The following SLC30A7 variants were observed in gnomAD, a reference collection of about 807,000 sequenced individuals.
SLC30A7 encodes the protein solute carrier family 30 member 7.
In SLC30A7, 35 loss-of-function variants were observed where a neutral mutation model predicts 46.0. That is an observed-to-expected ratio of 0.76 (90% CI 0.58 to 1.01). The LOEUF (loss-of-function observed/expected upper bound fraction) is 1.01. SLC30A7 is among the 50% of genes least tolerant of loss of function. The probability of loss-of-function intolerance (pLI) is 0.00; values close to 1 mark genes in which losing one functional copy is unlikely to be tolerated. For missense variants in SLC30A7, 464 were observed against 451.1 expected (o/e 1.03, Z -0.26); for synonymous variants, 147 against 157.8 (o/e 0.93, Z 0.51).
intron 3 of SLC30A7, among the ~76,000 whole-genome samples, chr1:100,908,010 C>A (rs1651791596): frequency 6.6e-6 from 1 of 151,736 alleles, no homozygotes; most frequent in Non-Finnish European, 1.5e-5. Context: ...AATCTCTCCT[C>A]CTCCTCTTCT....
the SLC30A7 span, chr1:100,995,419 A>G: frequency 2.9e-6 from 1 of 349,292 alleles, no homozygotes; most frequent in African/African-American, 2.1e-5. Flanking sequence ...TTAGATAAAC[A>G]TTGGCATATA....
chr1:100,917,953 T>G, intron 6 of SLC30A7, 124 bp from the exon 7 acceptor site: 1 of 553,192 alleles, frequency 1.8e-6, no homozygotes, highest in Non-Finnish European at 3.1e-6. Context: ...AATAAATTTG[T>G]AAGTTTGATA....
rs879791411 is a variant in SLC30A7, at chr1:100,978,752, T to C, written c.*3895T>C. 1.3e-5 allele frequency: 2 copies of C among 152,234 alleles called. No homozygotes were observed. The highest frequency in any genetic ancestry group is 6.5e-5 in the Admixed American group (1 of 15,292). 9.4% of individuals were successfully genotyped at this position (152,234 alleles called of 1,614,324 possible). On this transcript the variant is annotated 3_prime_UTR_variant, in exon 11 of 11. Transcript: ENST00000357650. ...TTAAGGCACTTTATAAATGGACTTTTATTGTCTCATTTTTCGTATATAATT... is the reference window on the plus strand; with the variant it reads ...TTAAGGCACTTTATAAATGGACTTTCATTGTCTCATTTTTCGTATATAATT...
At chr1:100,928,707 T>G (rs768600655) in intron 8 of SLC30A7, among the ~76,000 whole-genome samples, 50 of 152,188 alleles carry the variant, frequency 3.3e-4, no homozygotes, top group Non-Finnish European at 5.6e-4. Flanking sequence ...TGGTAGAAAA[T>G]TTTGAAAATA....
At chr1:100,907,040 T>A in intron 3 of SLC30A7, 75 bp downstream of exon 3, 4 of 1,015,116 alleles carry the variant, frequency 3.9e-6, no homozygotes, top group Non-Finnish European at 5.9e-6. Context: ...TTAAGCTCAG[T>A]GACTTGTTAC....
chr1:100,966,034 C>A, intron 10 of SLC30A7, 116 bp downstream of exon 10: 2 of 881,014 alleles, frequency 2.3e-6, no homozygotes, highest in Non-Finnish European at 3.4e-6. Flanking sequence ...ATTTCTAGAT[C>A]AGTGTGGGCA....
the SLC30A7 span, chr1:100,990,664 C>A: frequency 1.3e-6 from 2 of 1,590,402 alleles, no homozygotes; most frequent in African/African-American, 1.3e-5. Flanking sequence ...CTATTCAATT[C>A]AGCAAATGCA....
chr1:100,984,503 A>G (rs766306164), downstream of SLC30A7, among the ~76,000 whole-genome samples: 7 of 152,204 alleles, frequency 4.6e-5, no homozygotes, highest in Non-Finnish European at 1.0e-4. Context: ...TTGAGAACTA[A>G]ACTATCCAAC....
intron 8 of SLC30A7, among the ~76,000 whole-genome samples, chr1:100,956,086 G>C (rs1306853135): frequency 2.0e-5 from 3 of 151,786 alleles, no homozygotes; most frequent in African/African-American, 7.2e-5. Context: ...AACCACAATT[G>C]ATCCTAATGA....
At chr1:100,909,881 T>C (rs952432327) in intron 3 of SLC30A7, among the ~76,000 whole-genome samples, 6 of 152,120 alleles carry the variant, frequency 3.9e-5, no homozygotes, top group Non-Finnish European at 5.9e-5. Flanking sequence ...TTTTGGATAG[T>C]AACCCTGCTG....
At chr1:100,966,887 C>G (rs935493474) in intron 10 of SLC30A7, among the ~76,000 whole-genome samples, 1 of 152,172 alleles carries the variant, frequency 6.6e-6, no homozygotes, top group Non-Finnish European at 1.5e-5. Context: ...TGGTCACCTA[C>G]TGAGTGATTT....
chr1:100,966,486 G>A (rs1655883555), intron 10 of SLC30A7, among the ~76,000 whole-genome samples: 1 of 151,874 alleles, frequency 6.6e-6, no homozygotes, highest in Non-Finnish European at 1.5e-5. Flanking sequence ...TTGGGAGGCT[G>A]AGGCAGGAGA....
At chr1:100,963,122 G>A (rs1181841866) in intron 9 of SLC30A7, among the ~76,000 whole-genome samples, 1 of 152,084 alleles carries the variant, frequency 6.6e-6, no homozygotes, top group Non-Finnish European at 1.5e-5. Context: ...CTTGAGTTTT[G>A]GGTACAGATT....
intron 8 of SLC30A7, among the ~76,000 whole-genome samples, chr1:100,933,046 G>A (rs1415238244): frequency 6.6e-6 from 1 of 151,192 alleles, no homozygotes; most frequent in African/African-American, 2.4e-5. Context: ...CGCAATCTCG[G>A]CTCACTGCAA....
chr1:100,938,122 T>G (rs1450650774), intron 8 of SLC30A7, among the ~76,000 whole-genome samples: 1 of 152,228 alleles, frequency 6.6e-6, no homozygotes, highest in Non-Finnish European at 1.5e-5. Flanking sequence ...AGTGCCACAC[T>G]GTTTTTATTG....
chr1:100,966,312 G>A (rs1354898525), intron 10 of SLC30A7, among the ~76,000 whole-genome samples: 2 of 151,750 alleles, frequency 1.3e-5, no homozygotes, highest in East Asian at 1.9e-4. Flanking sequence ...GGCTGGGTGC[G>A]GTGGCTCACA....
At chr1:100,928,235 G>A (rs1007242978) in intron 8 of SLC30A7, among the ~76,000 whole-genome samples, 1 of 152,126 alleles carries the variant, frequency 6.6e-6, no homozygotes, top group Non-Finnish European at 1.5e-5. Context: ...GGAAGAAGTA[G>A]TAGGAACTGT....
Position 100,978,904 on chromosome 1 carries a change from T to C in SLC30A7, c.*4047T>C, listed in dbSNP as rs1656731625. 1 of 152,216 alleles carries C rather than the reference T, an allele frequency of 6.6e-6. No individual in the cohort carries two copies. The highest frequency in any genetic ancestry group is 2.1e-4 in the South Asian group (1 of 4,832). 9.4% of individuals were successfully genotyped at this position (152,216 alleles called of 1,614,324 possible). A position where few individuals can be genotyped will look rare whatever the true frequency, so the allele number is the denominator to read the frequency against. ...TCCTTTTATGAGTGAATTTTTCTGC[T>C]AATTGCCCAAGGCTAAATCCAATTT... On this transcript the variant is annotated 3_prime_UTR_variant, in exon 11 of 11. Transcript: ENST00000357650.
chr1:100,974,741 C>G, intron 10 of SLC30A7, 69 bp from the exon 11 acceptor site: 1 of 1,133,536 alleles, frequency 8.8e-7, no homozygotes. Context: ...AAAAAAAATA[C>G]TTTCCTGAAA....
Sources: allele counts gnomAD v4.1 joint callset (sites outside exome capture counted in the v4.1 genomes callset), GRCh38; gene constraint gnomAD v4.1.1; transcripts MANE v1.5; gene names NCBI Gene and HGNC (gene_info 2026-07-23, HGNC 2026-07-21).